The following OTUD7A variants were observed in gnomAD, a reference collection of about 807,000 sequenced individuals.
OTUD7A encodes the protein OTU deubiquitinase 7A.
A neutral mutation model predicts 65.7 loss-of-function variants in OTUD7A; 12 were observed. The observed-to-expected ratio is 0.18, with a 90% CI of 0.12 to 0.30. OTUD7A has a LOEUF of 0.30. OTUD7A is among the 10% of genes least tolerant of loss of function. The probability of loss-of-function intolerance (pLI) is 1.00; values close to 1 mark genes in which losing one functional copy is unlikely to be tolerated. For synonymous variants in OTUD7A, 641 were observed against 586.3 expected, an observed-to-expected ratio of 1.09 and a Z score of -1.35; for missense variants, 1,148 against 1,304.8, an observed-to-expected ratio of 0.88 and a Z score of 1.85.
intron 8 of OTUD7A, among the ~76,000 whole-genome samples, chr15:31,514,038 T>G (rs1231024260): frequency 2.1e-5 from 3 of 140,130 alleles, no homozygotes; most frequent in Non-Finnish European, 4.6e-5. Context: ...CTTTTTTTCT[T>G]TTCTTTCTTT....
At chr15:31,587,708 T>A (rs900572770) in intron 3 of OTUD7A, among the ~76,000 whole-genome samples, 1 of 151,716 alleles carries the variant, frequency 6.6e-6, no homozygotes, top group African/African-American at 2.4e-5. Flanking sequence ...GGACTTTCAA[T>A]CACTTTCCAA....
rs542241299 is a variant in OTUD7A, at chr15:31,478,517, A to G, written c.*4777T>C. The G allele has an allele frequency of 6.6e-6, 1 of 152,340 alleles. No individual in the cohort carries two copies. The highest frequency in any genetic ancestry group is 1.5e-5 in the Non-Finnish European group (1 of 68,036). 9.4% of individuals were successfully genotyped at this position (152,340 alleles called of 1,614,324 possible). A position where few individuals can be genotyped will look rare whatever the true frequency, so the allele number is the denominator to read the frequency against. ...ATTTGGCAAAATAAATAGAAACAGT[A>G]ACATTACTAGCATGGTTGGAGATGA... On this transcript the variant is annotated 3_prime_UTR_variant, in exon 13 of 13. Coordinates refer to ENST00000307050, the MANE Select transcript of OTUD7A (RefSeq NM_001382637.1).
chr15:31,557,989 G>A (rs1367608042), intron 5 of OTUD7A: 1 of 152,252 alleles, frequency 6.6e-6, no homozygotes, highest in Admixed American at 6.5e-5. Context: ...GACATGAAGA[G>A]CTGGCTGAAG....
chr15:31,631,994 T>C (rs1405640539), intron 3 of OTUD7A, among the ~76,000 whole-genome samples: 3 of 152,016 alleles, frequency 2.0e-5, no homozygotes, highest in Non-Finnish European at 4.4e-5. Context: ...ATTCATCTAG[T>C]TTTTTTTCAA....
intron 1 of OTUD7A, among the ~76,000 whole-genome samples, chr15:31,858,005 C>G (rs561927606): frequency 6.7e-4 from 102 of 152,342 alleles, no homozygotes; most frequent in African/African-American, 2.4e-3. Flanking sequence ...TGGTTTCCCA[C>G]TCAACACCTT....
intron 1 of OTUD7A, among the ~76,000 whole-genome samples, chr15:31,751,377 T>C (rs12592901): frequency 0.12 from 18,188 of 152,050 alleles, 1,519 homozygotes; most frequent in East Asian, 0.47. Flanking sequence ...CACCATCTCA[T>C]ACCAGTCAGA....
At chr15:31,680,033 G>A (rs750006769) in intron 1 of OTUD7A, among the ~76,000 whole-genome samples, 1 of 152,070 alleles carries the variant, frequency 6.6e-6, no homozygotes, top group Non-Finnish European at 1.5e-5. Flanking sequence ...ATCAACCTTA[G>A]TCATAATGAT....
At chr15:31,548,148 T>A (rs1432539514) in intron 5 of OTUD7A, among the ~76,000 whole-genome samples, 1 of 147,758 alleles carries the variant, frequency 6.8e-6, no homozygotes, top group East Asian at 2.0e-4. Context: ...GTGTGAGGAG[T>A]GTTAAATGTA....
chr15:31,694,633 C>T (rs1276289832), intron 1 of OTUD7A, among the ~76,000 whole-genome samples: 2 of 152,120 alleles, frequency 1.3e-5, no homozygotes, highest in Non-Finnish European at 2.9e-5. Context: ...CCACCTCCCC[C>T]AGCACCTGGC....
intron 4 of OTUD7A, among the ~76,000 whole-genome samples, chr15:31,569,221 A>C (rs943165259): frequency 2.0e-5 from 3 of 152,264 alleles, no homozygotes; most frequent in African/African-American, 7.2e-5. Flanking sequence ...ACCAGTATGT[A>C]AGATTAGAGG....
intron 1 of OTUD7A, among the ~76,000 whole-genome samples, chr15:31,669,984 C>CA (rs1192438415): frequency 7.0e-6 from 1 of 143,244 alleles, no homozygotes; most frequent in East Asian, 2.0e-4. Context: ...GGTGAGCACT[C>CA]ACAGTATTTG....
chr15:31,587,034 G>T (rs565530044), intron 3 of OTUD7A, among the ~76,000 whole-genome samples: 2 of 152,194 alleles, frequency 1.3e-5, no homozygotes, highest in African/African-American at 4.8e-5. Context: ...CACACATCCA[G>T]CTCCTGACTC....
chr15:31,855,302 AAGAC>A (rs1340881457), intron 1 of OTUD7A, among the ~76,000 whole-genome samples: 1 of 152,226 alleles, frequency 6.6e-6, no homozygotes, highest in Non-Finnish European at 1.5e-5. Flanking sequence ...TCTGTGCTAA[AAGAC>A]AGGAGAAATA....
intron 1 of OTUD7A, among the ~76,000 whole-genome samples, chr15:31,813,280 CCACT>C (rs3046533): frequency 0.58 from 87,582 of 151,604 alleles, 25,724 homozygotes; most frequent in East Asian, 0.69. Context: ...ACAGAGTGTT[CCACT>C]CACTACCATC....
Position 31,497,394 on chromosome 15 carries a change from C to T in OTUD7A, c.1171+4296G>A, listed in dbSNP as rs555362990. Among the ~76,000 whole-genome samples, 23 of 152,072 alleles carry T rather than the reference C, an allele frequency of 1.5e-4. No individual in the cohort carries two copies. In the South Asian group the frequency reaches 4.2e-3, roughly 27 times the overall value. ...CCTCCTGAGTAGCTGGGATTACAGGCACATGCTGCCATGCCCAGATAATTT... is the reference window on the plus strand; with the variant it reads ...CCTCCTGAGTAGCTGGGATTACAGGTACATGCTGCCATGCCCAGATAATTT... On this transcript the variant is annotated intron_variant, in intron 10 of 12. Transcript: ENST00000307050.
At chr15:31,671,944 G>A (rs34352826) in intron 1 of OTUD7A, among the ~76,000 whole-genome samples, 2,030 of 152,056 alleles carry the variant, frequency 0.013, 53 homozygotes, top group African/African-American at 0.047. Flanking sequence ...AGTAGGTCCC[G>A]GAGTCTGTTG....
At chr15:31,659,010 CATGA>C (rs200527037) in intron 1 of OTUD7A, among the ~76,000 whole-genome samples, 8,555 of 141,092 alleles carry the variant, frequency 0.061, 478 homozygotes, top group East Asian at 0.28. Flanking sequence ...CCAGCCTGGG[CATGA>C]ATGAATGAAT....
chr15:31,867,127 T>A (rs1897896867), intron 1 of OTUD7A, among the ~76,000 whole-genome samples: 2 of 152,164 alleles, frequency 1.3e-5, no homozygotes, highest in Non-Finnish European at 2.9e-5. Context: ...GAGCACAAGC[T>A]GGCCTCTCTG....
chr15:31,842,927 T>C (rs1897218522), intron 1 of OTUD7A, among the ~76,000 whole-genome samples: 1 of 152,030 alleles, frequency 6.6e-6, no homozygotes, highest in Non-Finnish European at 1.5e-5. Context: ...ATGCTCTCGG[T>C]TCCAGGAAGC....
Sources: allele counts gnomAD v4.1 joint callset (sites outside exome capture counted in the v4.1 genomes callset), GRCh38; gene constraint gnomAD v4.1.1; transcripts MANE v1.5; gene names NCBI Gene and HGNC (gene_info 2026-07-23, HGNC 2026-07-21).